Variants in KIAA1217 observed in about 807,000 individuals in gnomAD.
KIAA1217 encodes the protein sickle tail protein homolog.
Under a neutral mutation model 163.9 loss-of-function variants are expected in KIAA1217, and 88 were observed. That is an observed-to-expected ratio of 0.54 (90% CI 0.45 to 0.64). KIAA1217 has a LOEUF of 0.64. Ranked by LOEUF, KIAA1217 falls within the 30% of genes least tolerant of loss-of-function variation. The pLI is 0.00. For synonymous variants in KIAA1217, 903 were observed against 923.1 expected, an observed-to-expected ratio of 0.98 and a Z score of 0.39; for missense variants, 2,372 against 2,475.0, an observed-to-expected ratio of 0.96 and a Z score of 0.88.
chr10:24,260,247 G>A (rs1304913027), intron 2 of KIAA1217, among the ~76,000 whole-genome samples: 6 of 152,080 alleles, frequency 3.9e-5, no homozygotes, highest in African/African-American at 2.4e-5. Context: ...AAGGGGACCC[G>A]GGAATGAGTG....
chr10:24,501,235 C>T (rs545184614), intron 8 of KIAA1217, 144 bp from the exon 9 acceptor site: 1 of 685,180 alleles, frequency 1.5e-6, no homozygotes, highest in South Asian at 2.1e-5. Context: ...TACCATAACA[C>T]TGTGTGATTC....
intron 1 of KIAA1217, among the ~76,000 whole-genome samples, chr10:23,735,919 C>T (rs776354556): frequency 6.6e-6 from 1 of 152,206 alleles, no homozygotes; most frequent in Non-Finnish European, 1.5e-5. Context: ...GAAGTTTTCT[C>T]ATGAACACAT....
intron 1 of KIAA1217, among the ~76,000 whole-genome samples, chr10:23,959,766 G>T (rs752688243): frequency 6.6e-6 from 1 of 152,050 alleles, no homozygotes; most frequent in African/African-American, 2.4e-5. Flanking sequence ...TAACTCGGGG[G>T]AGCTTAGCAA....
chr10:24,325,189 GTGTGGGACAGT>G (rs2044709528), intron 2 of KIAA1217, among the ~76,000 whole-genome samples: 1 of 152,192 alleles, frequency 6.6e-6, no homozygotes, highest in Non-Finnish European at 1.5e-5. Context: ...TGTTACAAAA[GTGTGGGACAGT>G]GATTTGCAAG....
chr10:23,757,663 G>T (rs1715719416), intron 1 of KIAA1217, among the ~76,000 whole-genome samples: 1 of 152,040 alleles, frequency 6.6e-6, no homozygotes, highest in South Asian at 2.1e-4. Context: ...GATTACAGGT[G>T]CATGCCACCA....
At chr10:24,535,836 G>T (rs973194326) in intron 16 of KIAA1217, among the ~76,000 whole-genome samples, 1 of 118,844 alleles carries the variant, frequency 8.4e-6, no homozygotes, top group African/African-American at 3.3e-5. Flanking sequence ...CTGCACATTA[G>T]AATTACTTTG....
intron 1 of KIAA1217, among the ~76,000 whole-genome samples, chr10:23,747,425 G>A (rs750954083): frequency 6.6e-6 from 1 of 152,146 alleles, no homozygotes; most frequent in Admixed American, 6.5e-5. Flanking sequence ...GGTTTCAGGA[G>A]AGAGATAAAG....
At chr10:24,056,192 A>T (rs546996266) in intron 2 of KIAA1217, among the ~76,000 whole-genome samples, 3 of 152,248 alleles carry the variant, frequency 2.0e-5, no homozygotes, top group East Asian at 1.9e-4. Flanking sequence ...GTGGTAACAC[A>T]ATTAAATTGG....
At position 23,721,519 on chromosome 10, in the gene KIAA1217, C is replaced by T. The variant is rs138608675; in HGVS notation, c.-321+26285C>T. Among the ~76,000 whole-genome samples the T allele has an allele frequency of 3.2e-3, 493 of 151,722 alleles. 2 individuals are homozygous for T. The highest frequency in any genetic ancestry group is 9.4e-3 in the African/African-American group (387 of 41,390). On this transcript the variant is annotated intron_variant, in intron 1 of 18. Transcript: ENST00000376462. ...TCATAAACTCCTACAATTGCTTTCA[C>T]TGCTGGTGGTATTCCTTTTCAATGC...
intron 2 of KIAA1217, among the ~76,000 whole-genome samples, chr10:24,316,476 C>A (rs751041615): frequency 6.6e-6 from 1 of 152,184 alleles, no homozygotes; most frequent in Non-Finnish European, 1.5e-5. Flanking sequence ...AAGTTGTTGG[C>A]ATTCTGAATG....
chr10:23,753,307 C>A (rs1833745972), intron 1 of KIAA1217, among the ~76,000 whole-genome samples: 1 of 152,134 alleles, frequency 6.6e-6, no homozygotes, highest in African/African-American at 2.4e-5. Flanking sequence ...GATTAGGAGA[C>A]CATTTGTAGC....
rs2065069894 is a variant in KIAA1217 at position 24,484,236 on chromosome 10, TA to T, written c.1679+10177del. Among the ~76,000 whole-genome samples the T allele has an allele frequency of 4.3e-5, 4 of 94,088 alleles. No homozygotes were observed. The South Asian group carries it at 1.7e-3, about 40-fold the overall frequency. 61.7% of individuals were successfully genotyped at this position (94,088 alleles called of 152,430 possible). A position where few individuals can be genotyped will look rare whatever the true frequency, so the allele number is the denominator to read the frequency against. ...ATAGATAGATATACATATATATATA[TA>T]TATATTTTTTTTTTTTTTTTTTTTT... On this transcript the variant is annotated intron_variant, in intron 6 of 20. Coordinates refer to ENST00000376454, the MANE Select transcript of KIAA1217 (RefSeq NM_019590.5).
At chr10:24,104,038 T>C (rs1214937218) in intron 2 of KIAA1217, among the ~76,000 whole-genome samples, 1 of 151,968 alleles carries the variant, frequency 6.6e-6, no homozygotes, top group African/African-American at 2.4e-5. Flanking sequence ...TCCCCACACA[T>C]TGTGGGGATT....
At chr10:23,815,506 T>C (rs1306317939) in intron 1 of KIAA1217, among the ~76,000 whole-genome samples, 1 of 151,946 alleles carries the variant, frequency 6.6e-6, no homozygotes, top group African/African-American at 2.4e-5. Flanking sequence ...TAGCTGGGCG[T>C]GGTGGCAGGC....
At chr10:23,937,103 G>A (rs1333896887) in intron 1 of KIAA1217, among the ~76,000 whole-genome samples, 1 of 152,166 alleles carries the variant, frequency 6.6e-6, no homozygotes, top group African/African-American at 2.4e-5. Flanking sequence ...TCGAACTCCT[G>A]ACCTCAAGTG....
At chr10:23,735,497 A>G (rs551065509) in intron 1 of KIAA1217, among the ~76,000 whole-genome samples, 1 of 152,206 alleles carries the variant, frequency 6.6e-6, no homozygotes, top group East Asian at 1.9e-4. Context: ...AAAATAGTAT[A>G]GTATTTTAAT....
chr10:23,983,659 C>T (rs1845859760), intron 1 of KIAA1217, among the ~76,000 whole-genome samples: 1 of 152,182 alleles, frequency 6.6e-6, no homozygotes, highest in South Asian at 2.1e-4. Context: ...TTGGGGATTA[C>T]AGTTCAGCGA....
chr10:24,043,643 T>C (rs1327904350), intron 2 of KIAA1217, among the ~76,000 whole-genome samples: 1 of 152,130 alleles, frequency 6.6e-6, no homozygotes, highest in Non-Finnish European at 1.5e-5. Flanking sequence ...GAATTTTGGC[T>C]GCATGAAAGA....
At chr10:23,819,889 A>T (rs1194191059) in intron 1 of KIAA1217, among the ~76,000 whole-genome samples, 2 of 152,148 alleles carry the variant, frequency 1.3e-5, no homozygotes, top group African/African-American at 2.4e-5. Flanking sequence ...AGCCATCCTG[A>T]TCTCAGTTTC....
Sources: allele counts gnomAD v4.1 joint callset (sites outside exome capture counted in the v4.1 genomes callset), GRCh38; gene constraint gnomAD v4.1.1; transcripts MANE v1.5; gene names NCBI Gene and HGNC (gene_info 2026-07-23, HGNC 2026-07-21).